ADCY1: variants seen among roughly 807,000 people sequenced by gnomAD.
ADCY1 encodes adenylate cyclase type 1.
A neutral mutation model predicts 105.4 loss-of-function variants in ADCY1; 28 were observed. That is an observed-to-expected ratio of 0.27 (90% CI 0.20 to 0.36). The LOEUF (loss-of-function observed/expected upper bound fraction) is 0.36. Among genes scored for constraint, ADCY1 ranks in the 10% least tolerant of loss-of-function variants. The pLI is 1.00. For synonymous variants in ADCY1, 655 were observed against 623.8 expected (o/e 1.05, Z -0.75); for missense variants, 977 against 1,434.2 (o/e 0.68, Z 5.15).
chr7:45,701,437 A>G (rs970392527), intron 14 of ADCY1, among the ~76,000 whole-genome samples: 1 of 152,198 alleles, frequency 6.6e-6, no homozygotes, highest in Non-Finnish European at 1.5e-5. Flanking sequence ...CCATAAACCT[A>G]GATTATGGTT....
At chr7:45,578,951 A>T (rs1050974182) in intron 1 of ADCY1, among the ~76,000 whole-genome samples, 1 of 152,224 alleles carries the variant, frequency 6.6e-6, no homozygotes, top group Admixed American at 6.5e-5. Flanking sequence ...TTGCTTATCA[A>T]TGTAAATGAA....
At position 45,575,255 on chromosome 7, in the gene ADCY1, C is replaced by G; in HGVS notation, c.639+73C>G. 4 of 1,498,218 alleles carry G rather than the reference C, an allele frequency of 2.7e-6. No individual in the cohort carries two copies. Among genetic ancestry groups the G allele is most frequent in the Non-Finnish European group, 3.5e-6 (4 of 1,130,618 alleles). 92.8% of individuals were successfully genotyped at this position (1,498,218 alleles called of 1,614,324 possible). On this transcript the variant is annotated intron_variant, in intron 1 of 19. Transcript: ENST00000297323. This position sits in a 1 kb window ranked among gnomAD's most constrained non-coding sequence, Gnocchi z 4.7. Reference sequence around the variant, plus strand: ...GGACGATGCTGGGAATGCCCGGAGTCGGGCGCGCTTTTTCCTATGCGGCGG... The same window carrying G: ...GGACGATGCTGGGAATGCCCGGAGTGGGGCGCGCTTTTTCCTATGCGGCGG...
At chr7:45,595,899 T>C (rs1793058383) in intron 2 of ADCY1, among the ~76,000 whole-genome samples, 1 of 152,252 alleles carries the variant, frequency 6.6e-6, no homozygotes, top group South Asian at 2.1e-4. Context: ...AATAACTGTC[T>C]GCCTAGATGG....
intron 2 of ADCY1, among the ~76,000 whole-genome samples, chr7:45,602,676 T>C (rs879708024): frequency 9.2e-5 from 14 of 152,346 alleles, no homozygotes; most frequent in Admixed American, 7.8e-4. Flanking sequence ...ACCGTTGTGA[T>C]TTATTTTTCA....
intron 8 of ADCY1, among the ~76,000 whole-genome samples, 177 bp from the exon 9 acceptor site, chr7:45,677,692 G>T (rs1784482249): frequency 6.6e-6 from 1 of 152,184 alleles, no homozygotes; most frequent in South Asian, 2.1e-4. Flanking sequence ...AACACTGGCT[G>T]CTGAGATGAC....
At chr7:45,632,279 T>C (rs1794278780) in intron 4 of ADCY1, among the ~76,000 whole-genome samples, 1 of 152,216 alleles carries the variant, frequency 6.6e-6, no homozygotes, top group Non-Finnish European at 1.5e-5. Flanking sequence ...ATTGTTCTTT[T>C]TCAAAGTGAT....
At position 45,719,455 on chromosome 7, in the gene ADCY1, C is replaced by T. The variant is rs1268549052; in HGVS notation, c.*5460C>T. 1.3e-5 allele frequency: 2 copies of T among 152,260 alleles called. No individual in the cohort carries two copies. The highest frequency in any genetic ancestry group is 2.9e-5 in the Non-Finnish European group (2 of 68,048). 9.4% of individuals were successfully genotyped at this position (152,260 alleles called of 1,614,324 possible). ...ACACCAGATTCCATTTCAGTTGCCA[C>T]ACATTTTGGGGCTAGACTTCCCTAA... On this transcript the variant is annotated 3_prime_UTR_variant, in exon 20 of 20. Transcript: ENST00000297323.
intron 19 of ADCY1, among the ~76,000 whole-genome samples, chr7:45,711,765 G>T (rs1385564441): frequency 7.2e-6 from 1 of 139,132 alleles, no homozygotes; most frequent in East Asian, 2.0e-4. Flanking sequence ...ATACATATAT[G>T]TGTATATATA....
chr7:45,720,506 ACTCT>A lies in ADCY1; in HGVS notation c.*6515_*6518del, dbSNP rs201132158. 2 of 140,868 alleles carry A rather than the reference ACTCT, an allele frequency of 1.4e-5. No homozygotes were observed. The highest frequency in any genetic ancestry group is 3.0e-5 in the Non-Finnish European group (2 of 65,620). 8.7% of individuals were successfully genotyped at this position (140,868 alleles called of 1,614,324 possible). ...ACTCCAGCCTGGGCGACAGAGCAAG[ACTCT>A]CTCAAAAAAAAAAAAAAAAGAAAGA... On this transcript the variant is annotated 3_prime_UTR_variant, in exon 20 of 20. Transcript: ENST00000297323.
At chr7:45,690,483 G>T (rs556991216) in intron 14 of ADCY1, among the ~76,000 whole-genome samples, 76 of 152,328 alleles carry the variant, frequency 5.0e-4, no homozygotes, top group Non-Finnish European at 9.3e-4. Flanking sequence ...AGAGGAACTG[G>T]GAATGCTCTC....
chr7:45,660,753 G>A (rs1304649432), intron 7 of ADCY1, among the ~76,000 whole-genome samples: 3 of 150,170 alleles, frequency 2.0e-5, no homozygotes, highest in Non-Finnish European at 4.4e-5. Flanking sequence ...CAGGTGAGGG[G>A]TTCAGGGCTC....
chr7:45,665,346 G>C (rs910232661), intron 8 of ADCY1, among the ~76,000 whole-genome samples: 22 of 152,188 alleles, frequency 1.4e-4, no homozygotes, highest in African/African-American at 5.3e-4. Flanking sequence ...CAGCCTGTTA[G>C]GGTAGTTACG....
intron 6 of ADCY1, among the ~76,000 whole-genome samples, chr7:45,658,393 T>C (rs992492299): frequency 2.0e-5 from 3 of 152,210 alleles, no homozygotes; most frequent in Non-Finnish European, 4.4e-5. Flanking sequence ...TGTTGATGGC[T>C]GTGCACCGTG....
intron 8 of ADCY1, 148 bp from the exon 9 acceptor site, chr7:45,677,721 C>G (rs552884285): frequency 1.2e-6 from 1 of 836,970 alleles, no homozygotes; most frequent in African/African-American, 1.7e-5. Context: ...CATCTCACCA[C>G]CAGCAGGGCA....
chr7:45,622,040 G>C (rs1245867138), intron 3 of ADCY1, among the ~76,000 whole-genome samples: 3 of 152,124 alleles, frequency 2.0e-5, no homozygotes, highest in African/African-American at 7.2e-5. Context: ...CCAGTGCTGT[G>C]ATAAATAGAC....
At chr7:45,674,960 G>A (rs1232328605) in intron 8 of ADCY1, among the ~76,000 whole-genome samples, 1 of 152,064 alleles carries the variant, frequency 6.6e-6, no homozygotes, top group African/African-American at 2.4e-5. Context: ...TCTTTAAACA[G>A]CATATATTTG....
At chr7:45,709,703 G>T (rs1785187295) in intron 18 of ADCY1, among the ~76,000 whole-genome samples, 1 of 152,238 alleles carries the variant, frequency 6.6e-6, no homozygotes, top group Admixed American at 6.5e-5. Flanking sequence ...AAGATAGGAA[G>T]TGGCTTCGGT....
At chr7:45,600,362 T>C (rs924119345) in intron 2 of ADCY1, among the ~76,000 whole-genome samples, 21 of 152,196 alleles carry the variant, frequency 1.4e-4, no homozygotes, top group African/African-American at 5.1e-4. Context: ...AGTTTCCCAC[T>C]GGCCTTTCCT....
At chr7:45,705,591 A>T (rs919038769) in intron 17 of ADCY1, among the ~76,000 whole-genome samples, 2 of 152,230 alleles carry the variant, frequency 1.3e-5, no homozygotes, top group Non-Finnish European at 2.9e-5. Flanking sequence ...GATTTAAAAA[A>T]TTTTGCAAAA....
Sources: allele counts gnomAD v4.1 joint callset (sites outside exome capture counted in the v4.1 genomes callset), GRCh38; gene constraint gnomAD v4.1.1; non-coding constraint Gnocchi (gnomAD v3.1); transcripts MANE v1.5; gene names NCBI Gene and HGNC (gene_info 2026-07-23, HGNC 2026-07-21).